The following ADGRB3 variants were observed in gnomAD, a reference collection of about 807,000 sequenced individuals.
The protein encoded by ADGRB3 is brain-specific angiogenesis inhibitor 3.
In ADGRB3, 37 loss-of-function variants were observed where a neutral mutation model predicts 193.4. That is an observed-to-expected ratio of 0.19 (90% CI 0.15 to 0.25). ADGRB3 has a LOEUF of 0.25. Ranked by LOEUF, ADGRB3 falls within the 10% of genes least tolerant of loss-of-function variation. The probability of loss-of-function intolerance (pLI) is 1.00; values close to 1 mark genes in which losing one functional copy is unlikely to be tolerated. For synonymous variants in ADGRB3, 690 were observed against 644.2 expected (o/e 1.07, Z -1.08); for missense variants, 1,637 against 1,852.9 (o/e 0.88, Z 2.14).
At chr6:68,890,209 G>A (rs1278928495) in intron 3 of ADGRB3, among the ~76,000 whole-genome samples, 1 of 152,130 alleles carries the variant, frequency 6.6e-6, no homozygotes, top group African/African-American at 2.4e-5. Context: ...ACTTCATCTT[G>A]AGCTAAAGAA....
chr6:69,177,078 T>G (rs1031485564), intron 17 of ADGRB3, among the ~76,000 whole-genome samples: 2 of 152,186 alleles, frequency 1.3e-5, no homozygotes, highest in African/African-American at 4.8e-5. Flanking sequence ...AGAACCATTT[T>G]TGGTTTTGTT....
At chr6:68,814,345 T>C (rs1160160521) in intron 3 of ADGRB3, among the ~76,000 whole-genome samples, 1 of 152,234 alleles carries the variant, frequency 6.6e-6, no homozygotes, top group Non-Finnish European at 1.5e-5. Context: ...TTTGGCTGCA[T>C]AAATGTCTTC....
chr6:68,794,725 C>G (rs1368144391), intron 3 of ADGRB3, among the ~76,000 whole-genome samples: 3 of 152,018 alleles, frequency 2.0e-5, no homozygotes, highest in African/African-American at 7.2e-5. Context: ...TAGACAGAAT[C>G]AGGGTTTTGA....
chr6:68,736,355 C>T (rs955212895), intron 3 of ADGRB3, among the ~76,000 whole-genome samples: 7 of 152,130 alleles, frequency 4.6e-5, no homozygotes, highest in Non-Finnish European at 7.4e-5. Context: ...ACATAATTAA[C>T]ATTGAATATC....
chr6:69,059,304 T>C (rs1771646003), intron 15 of ADGRB3, among the ~76,000 whole-genome samples: 1 of 152,144 alleles, frequency 6.6e-6, no homozygotes, highest in African/African-American at 2.4e-5. Flanking sequence ...ATCTTTTACA[T>C]AGGATGTTTT....
chr6:68,824,767 T>C (rs1231763747), intron 3 of ADGRB3, among the ~76,000 whole-genome samples: 1 of 151,622 alleles, frequency 6.6e-6, no homozygotes. Context: ...TAGTATCTTG[T>C]TGCTTTCACA....
chr6:69,093,623 G>C lies in ADGRB3; in HGVS notation c.2480+17585G>C, dbSNP rs559239431. Among the ~76,000 whole-genome samples the C allele has an allele frequency of 9.3e-5, 14 of 150,456 alleles. No individual in the cohort carries two copies. The East Asian group carries it at 2.8e-3, about 30-fold the overall frequency. On this transcript the variant is annotated intron_variant, in intron 17 of 31. Transcript: ENST00000370598. ...GATAGATAGCATAGGTTCAGTGGGA[G>C]ATGGGTGGGGAGCCCAGGATCTAGG...
chr6:68,846,854 A>C (rs1768286785), intron 3 of ADGRB3, among the ~76,000 whole-genome samples: 1 of 152,200 alleles, frequency 6.6e-6, no homozygotes, highest in Non-Finnish European at 1.5e-5. Flanking sequence ...CTGTGAGAAG[A>C]AGCCCACCAT....
At chr6:69,324,467 C>T (rs565736743) in intron 20 of ADGRB3, among the ~76,000 whole-genome samples, 4 of 151,942 alleles carry the variant, frequency 2.6e-5, no homozygotes, top group African/African-American at 4.8e-5. Flanking sequence ...CAACAAAGAA[C>T]GATTATCTGT....
intron 17 of ADGRB3, among the ~76,000 whole-genome samples, chr6:69,137,819 G>A (rs533852871): frequency 6.6e-6 from 1 of 152,106 alleles, no homozygotes; most frequent in Admixed American, 6.5e-5. Context: ...AAAAGAATTA[G>A]CCCCTTAAAG....
intron 10 of ADGRB3, among the ~76,000 whole-genome samples, chr6:68,983,525 G>T (rs965776497): frequency 6.7e-6 from 1 of 150,054 alleles, no homozygotes; most frequent in Non-Finnish European, 1.5e-5. Flanking sequence ...GTATAGAAAA[G>T]TATATTTAGA....
At chr6:69,045,759 T>C (rs186400365) in intron 13 of ADGRB3, among the ~76,000 whole-genome samples, 98 of 152,228 alleles carry the variant, frequency 6.4e-4, no homozygotes, top group African/African-American at 2.3e-3. Flanking sequence ...CTTATAATAG[T>C]AAAAACCTCC....
intron 10 of ADGRB3, among the ~76,000 whole-genome samples, chr6:68,992,467 T>C (rs1411946225): frequency 6.6e-6 from 1 of 152,122 alleles, no homozygotes; most frequent in African/African-American, 2.4e-5. Context: ...ATCACTCCAT[T>C]ACCAGACAAT....
rs370333200 is a variant in ADGRB3 at position 68,868,910 on chromosome 6, GA to G, written c.758-61648del. The stretch of plus-strand genomic sequence containing the variant: ...TCTGGAAATAGGACTTCCAGATAAT[GA>G]TGTGTGTGTGTGTGTGTGTGTGTGT... On this transcript the variant is annotated intron_variant, in intron 3 of 31. Transcript: ENST00000370598. Among the ~76,000 whole-genome samples the G allele has an allele frequency of 3.5e-3, 368 of 106,486 alleles. 3 individuals carry two copies. Among genetic ancestry groups the G allele is most frequent in the Admixed American group, 7.8e-3 (82 of 10,502 alleles). The allele number at this position is 106,486 out of a possible 152,430, so 69.9% of individuals were successfully genotyped here. A position where few individuals can be genotyped will look rare whatever the true frequency, so the allele number is the denominator to read the frequency against.
rs555802972 is a variant in ADGRB3, at chr6:68,637,448, T to C, written c.-130T>C. On this transcript the variant is annotated 5_prime_UTR_variant, in exon 2 of 32. Coordinates refer to ENST00000370598, the MANE Select transcript of ADGRB3 (RefSeq NM_001704.3). ...TAAAATTAACTTGGCATCACTTTTA[T>C]CAGCTCAAAGGCTAAACAAACAAAC... 1.3e-5 allele frequency: 2 copies of C among 152,766 alleles called. No individual in the cohort carries two copies. The highest frequency in any genetic ancestry group is 4.1e-4 in the South Asian group (2 of 4,832). The allele number at this position is 152,766 out of a possible 1,614,324, so 9.5% of individuals were successfully genotyped here.
intron 11 of ADGRB3, among the ~76,000 whole-genome samples, chr6:69,007,678 C>CTT: frequency 1.4e-5 from 1 of 72,324 alleles, no homozygotes; most frequent in African/African-American, 5.4e-5. Context: ...CTCTCTCTCT[C>CTT]TCTCTCTCTC....
chr6:68,999,630 G>C (rs1333423411), intron 11 of ADGRB3, among the ~76,000 whole-genome samples: 2 of 152,138 alleles, frequency 1.3e-5, no homozygotes, highest in East Asian at 3.9e-4. Flanking sequence ...TTTTGTTGTT[G>C]TTGTTCTCAA....
intron 17 of ADGRB3, among the ~76,000 whole-genome samples, chr6:69,186,981 T>C (rs908102263): frequency 4.0e-5 from 6 of 151,540 alleles, no homozygotes; most frequent in Non-Finnish European, 8.8e-5. Flanking sequence ...CTGAATTGTT[T>C]CTTCAATGTA....
intron 3 of ADGRB3, among the ~76,000 whole-genome samples, chr6:68,883,954 G>T (rs1020687202): frequency 6.6e-6 from 1 of 152,142 alleles, no homozygotes; most frequent in African/African-American, 2.4e-5. Context: ...TTCCAAGGTT[G>T]CTGTCCTGTC....
Sources: gnomAD v4.1 joint callset for allele counts (sites outside exome capture counted in the v4.1 genomes callset) on GRCh38, gnomAD v4.1.1 for gene constraint, MANE v1.5 for transcripts, NCBI Gene and HGNC (gene_info 2026-07-23, HGNC 2026-07-21) for gene names.